Variants in ATXN7L2 observed in about 807,000 individuals in gnomAD.
ATXN7L2 encodes ataxin 7 like 2, also known as ataxin-7-like protein 2.
ATXN7L2 carries 17 observed loss-of-function variants against 59.6 expected under a neutral mutation model. The observed-to-expected ratio is 0.29, with a 90% CI of 0.20 to 0.43. ATXN7L2 has a LOEUF of 0.43. Among genes scored for constraint, ATXN7L2 ranks in the 20% least tolerant of loss-of-function variants. The pLI is 1.00. For synonymous variants in ATXN7L2, 378 were observed against 392.5 expected, an observed-to-expected ratio of 0.96 and a Z score of 0.44; for missense variants, 858 against 1,008.9, an observed-to-expected ratio of 0.85 and a Z score of 2.03.
In ATXN7L2 at chr1:109,488,347, T is replaced by C; in HGVS notation, c.797-36T>C. 1 of 1,557,056 alleles carries C rather than the reference T, an allele frequency of 6.4e-7. No homozygotes were observed. Among genetic ancestry groups the C allele is most frequent in the Non-Finnish European group, 8.8e-7 (1 of 1,141,876 alleles). On this transcript the variant is annotated intron_variant, in intron 5 of 10. Coordinates refer to ENST00000683729, the MANE Select transcript of ATXN7L2 (RefSeq NM_001350175.2). This position sits in a 1 kb window ranked among gnomAD's most constrained non-coding sequence, Gnocchi z 5.0. ...AAATCCTCCTGTAAACTCCTGGAAA[T>C]GGTCTTGAGGTTCATTGGAAGTGCT... is the stretch of plus-strand genomic sequence containing the variant.
rs777944125 is a variant in ATXN7L2, at chr1:109,489,969, C to T, written c.1173C>T (p.Gly391=). Residue 391 remains glycine (G), a synonymous_variant, in exon 8 of 11, where the codon GGC becomes GGT. Coordinates refer to ENST00000683729, the MANE Select transcript of ATXN7L2 (RefSeq NM_001350175.2). Reference sequence around the variant, plus strand: ...CCGAGAGTGAATTGGATGATGAAGGCCCCTGTGGTGGTGATGGGGACCCAG... The same window carrying T: ...CCGAGAGTGAATTGGATGATGAAGGTCCCTGTGGTGGTGATGGGGACCCAG... ...ASSESELDDE[G]PCGGDGDPGL... is the part of the protein sequence containing the mutation. The T allele has an allele frequency of 2.3e-5, 37 of 1,613,676 alleles. No homozygotes were observed. The highest frequency in any genetic ancestry group is 2.9e-5 in the Non-Finnish European group (34 of 1,179,976).
chr1:109,489,231 T>TG (rs1353800398), intron 7 of ATXN7L2, 131 bp downstream of exon 7: 2 of 1,241,978 alleles, frequency 1.6e-6, no homozygotes, highest in Non-Finnish European at 2.2e-6. Context: ...GGGGTATTCC[T>TG]GGGGCTCCTG....
rs775683130 is a variant in ATXN7L2 at position 109,491,648 on chromosome 1, G to T, written c.2181G>T (p.Val727=). The change falls in exon 10 of 11, where the codon GTG becomes GTT. Residue 727 remains valine, a synonymous_variant. Coordinates refer to ENST00000683729, the MANE Select transcript of ATXN7L2 (RefSeq NM_001350175.2). The surrounding 1 kb of genome is among the most constrained non-coding windows in gnomAD (Gnocchi z 4.1). ...GTCAGGCTGGTGCCCCTGCTGATGT[G>T]GCCTGCTCTGTGCGCCGCAAGAAGC... is the stretch of plus-strand genomic sequence containing the variant. ...KHCQAGAPAD[V]ACSVRRKKPG... is the part of the protein sequence containing the mutation. 18 of 1,612,700 alleles carry T rather than the reference G, an allele frequency of 1.1e-5. No homozygotes were observed. Among genetic ancestry groups the T allele is most frequent in the Non-Finnish European group, 1.5e-5 (18 of 1,179,812 alleles).
Position 109,488,040 on chromosome 1 carries a change from C to T in ATXN7L2, c.796+236C>T, listed in dbSNP as rs1270817214. ...GCCCAGGAGGTGAAGTTCTTTCTCA[C>T]TCTTTTCTCACCTAGATCCAGGGCG... On this transcript the variant is annotated intron_variant, in intron 5 of 10. Coordinates refer to ENST00000683729, the MANE Select transcript of ATXN7L2 (RefSeq NM_001350175.2). The surrounding 1 kb of genome is among the most constrained non-coding windows in gnomAD (Gnocchi z 5.0). 3.3e-5 allele frequency among the ~76,000 whole-genome samples: 5 copies of T among 152,214 alleles called. No homozygotes were observed. The highest frequency in any genetic ancestry group is 7.3e-5 in the Non-Finnish European group (5 of 68,044).
At position 109,483,932 on chromosome 1, in the gene ATXN7L2, C is replaced by T. The variant is rs768386528; in HGVS notation, c.-22C>T. ...GGGCCGCGCGGCGGCGGCGCCAGGG[C>T]GGGCGCGCGTCCGCGGCGGTGATGG... On this transcript the variant is annotated 5_prime_UTR_variant, in exon 1 of 11. Transcript: ENST00000683729. The T allele has an allele frequency of 8.4e-6, 10 of 1,193,558 alleles. No homozygotes were observed. The highest frequency in any genetic ancestry group is 2.4e-4 in the Middle Eastern group (1 of 4,122). The allele number at this position is 1,193,558 out of a possible 1,614,324, so 73.9% of individuals were successfully genotyped here.
Position 109,492,684 on chromosome 1 carries a change from T to C in ATXN7L2, c.*84T>C. 2.7e-6 allele frequency: 4 copies of C among 1,488,420 alleles called. No homozygotes were observed. The highest frequency in any genetic ancestry group is 4.5e-5 in the East Asian group (2 of 44,012). 92.2% of individuals were successfully genotyped at this position (1,488,420 alleles called of 1,614,324 possible). A position where few individuals can be genotyped will look rare whatever the true frequency, so the allele number is the denominator to read the frequency against. On this transcript the variant is annotated 3_prime_UTR_variant, in exon 11 of 11. Transcript: ENST00000683729. ...GGCCCCAGGCTGCTGCCGCTTTTTA[T>C]AACTTTATATTATTTTTTTTTAAGA...
chr1:109,488,454 T>G lies in ATXN7L2; in HGVS notation c.868T>G (p.Leu290Val). 1.2e-6 allele frequency: 2 copies of G among 1,609,068 alleles called. No individual in the cohort carries two copies. Among genetic ancestry groups the G allele is most frequent in the Non-Finnish European group, 1.7e-6 (2 of 1,177,108 alleles). ...GACCAAAAAGATCTGTACCCGCCTG[T>G]TGACCTGCAAGGTAACCCCCTTCCC... ...PETKKICTRL[L>V]TCKIHSVHQR... is the part of the protein sequence containing the mutation. Residue 290 changes from leucine to valine, a missense_variant, in exon 6 of 11, where the codon TTG (leucine) becomes GTG (valine). By Grantham distance (32) the Leu-to-Val change is conservative. Transcript: ENST00000683729. This position sits in a 1 kb window ranked among gnomAD's most constrained non-coding sequence, Gnocchi z 5.0.
chr1:109,488,268 C>CT lies in ATXN7L2; in HGVS notation c.797-114dup. On this transcript the variant is annotated intron_variant, in intron 5 of 10. Transcript: ENST00000683729. The surrounding 1 kb of genome is among the most constrained non-coding windows in gnomAD (Gnocchi z 5.0). Reference sequence around the variant, plus strand: ...GGAAGGTACAGCCCCAGGCTGAGGGCTGGAGTCTCTTCTGCCTTAGTACCA... The same window carrying CT: ...GGAAGGTACAGCCCCAGGCTGAGGGCTTGGAGTCTCTTCTGCCTTAGTACCA... The CT allele has an allele frequency of 1.0e-6, 1 of 966,410 alleles. No homozygotes were observed. The highest frequency in any genetic ancestry group is 1.6e-6 in the Non-Finnish European group (1 of 620,146). The allele number at this position is 966,410 out of a possible 1,614,324, so 59.9% of individuals were successfully genotyped here. A position where few individuals can be genotyped will look rare whatever the true frequency, so the allele number is the denominator to read the frequency against.
rs1657171645 is a variant in ATXN7L2, at chr1:109,492,457, C to T, written c.2251-129C>T. 3 of 1,255,050 alleles carry T rather than the reference C, an allele frequency of 2.4e-6. No individual in the cohort carries two copies. The South Asian group carries it at 4.7e-5, about 20-fold the overall frequency. 77.7% of individuals were successfully genotyped at this position (1,255,050 alleles called of 1,614,324 possible). On this transcript the variant is annotated intron_variant, in intron 10 of 10. Transcript: ENST00000683729. ...GAGCTGGCATTCATCTTCCCCCTTG[C>T]TCAGTTTTACTCACCAGGCCAGCAG...
chr1:109,484,958 G>A (rs1656471042), intron 1 of ATXN7L2, among the ~76,000 whole-genome samples: 1 of 152,208 alleles, frequency 6.6e-6, no homozygotes, highest in African/African-American at 2.4e-5. Flanking sequence ...CGGACTTAGA[G>A]TGGGAGCTGC....
At position 109,491,763 on chromosome 1, in the gene ATXN7L2, G is replaced by A. The variant is rs776844549; in HGVS notation, c.2250+46G>A. 5 of 1,506,434 alleles carry A rather than the reference G, an allele frequency of 3.3e-6. No individual in the cohort carries two copies. Among genetic ancestry groups the A allele is most frequent in the East Asian group, 4.8e-5 (2 of 41,856 alleles). 93.3% of individuals were successfully genotyped at this position (1,506,434 alleles called of 1,614,324 possible). A position where few individuals can be genotyped will look rare whatever the true frequency, so the allele number is the denominator to read the frequency against. The stretch of plus-strand genomic sequence containing the variant: ...AGATTGATGAGGGTGGGGCACACAG[G>A]GGGTACCTGATACAGAGAAGATGCT... On this transcript the variant is annotated intron_variant, in intron 10 of 10. Transcript: ENST00000683729. The surrounding 1 kb of genome is among the most constrained non-coding windows in gnomAD (Gnocchi z 4.1).
intron 1 of ATXN7L2, 81 bp downstream of exon 1, chr1:109,484,161 G>T (rs1212638147): frequency 1.7e-5 from 21 of 1,242,800 alleles, no homozygotes; most frequent in Non-Finnish European, 2.0e-5. Flanking sequence ...GCTGAGGGGA[G>T]CCGCCGACTG....
chr1:109,485,848 A>G, intron 1 of ATXN7L2: 1 of 1,220,966 alleles, frequency 8.2e-7, no homozygotes, highest in Non-Finnish European at 1.0e-6. Context: ...TTGAGAATGG[A>G]CCCACTGAAA....
chr1:109,484,650 G>A (rs1656442808), intron 1 of ATXN7L2, among the ~76,000 whole-genome samples: 1 of 152,118 alleles, frequency 6.6e-6, no homozygotes, highest in Admixed American at 6.5e-5. Context: ...TCCTTTCCCA[G>A]GCCTCTTGCC....
rs2101029113 is a variant in ATXN7L2, at chr1:109,488,017, C to T, written c.796+213C>T. ...TGATCAAGGCTGAGGGAGCCCATGC[C>T]CAGGAGGTGAAGTTCTTTCTCACTC... On this transcript the variant is annotated intron_variant, in intron 5 of 10. Transcript: ENST00000683729. This position sits in a 1 kb window ranked among gnomAD's most constrained non-coding sequence, Gnocchi z 5.0. Among the ~76,000 whole-genome samples the T allele has an allele frequency of 6.6e-6, 1 of 152,288 alleles. No individual in the cohort carries two copies. Among genetic ancestry groups the T allele is most frequent in the Middle Eastern group, 3.4e-3 (1 of 294 alleles).
In ATXN7L2 at chr1:109,486,857, A is replaced by AGG; in HGVS notation, c.299-149_299-148dup. The AGG allele has an allele frequency of 1.2e-6, 1 of 824,220 alleles. No homozygotes were observed. The highest frequency in any genetic ancestry group is 1.9e-6 in the Non-Finnish European group (1 of 537,654). The allele number at this position is 824,220 out of a possible 1,614,324, so 51.1% of individuals were successfully genotyped here. A position where few individuals can be genotyped will look rare whatever the true frequency, so the allele number is the denominator to read the frequency against. ...CTGGGTCTTGAATTTTGAGTCCTAA[A>AGG]GGCTCAGATTCAAATGGGAAGGAGG... is the stretch of plus-strand genomic sequence containing the variant. On this transcript the variant is annotated intron_variant, in intron 3 of 10. Coordinates refer to ENST00000683729, the MANE Select transcript of ATXN7L2 (RefSeq NM_001350175.2). The surrounding 1 kb of genome is among the most constrained non-coding windows in gnomAD (Gnocchi z 4.3).
chr1:109,491,556 G>A lies in ATXN7L2; in HGVS notation c.2089G>A (p.Glu697Lys). The A allele has an allele frequency of 6.2e-7, 1 of 1,613,996 alleles. No individual in the cohort carries two copies. Among genetic ancestry groups the A allele is most frequent in the South Asian group, 1.1e-5 (1 of 91,090 alleles). The change falls in exon 10 of 11, where the codon GAG (glutamate) becomes AAG (lysine). Residue 697 changes from glutamate (E) to lysine (K), a missense_variant. Glu to Lys is a moderately conservative substitution (Grantham distance 56, BLOSUM62 1). This residue lies in a region of ATXN7L2 where 734 missense variants were observed against 862.3 expected (regional missense o/e 0.85). Coordinates refer to ENST00000683729, the MANE Select transcript of ATXN7L2 (RefSeq NM_001350175.2). The surrounding 1 kb of genome is among the most constrained non-coding windows in gnomAD (Gnocchi z 4.1). ...GGCCCTGCCAACCAACTGCCTCTCT[G>A]AGGAGGAGGTGGCCAAGAAGCGGAA... is the stretch of plus-strand genomic sequence containing the variant. ...AKALPTNCLS[E>K]EEVAKKRKNL...
rs377654845 is a variant in ATXN7L2 at position 109,488,392 on chromosome 1, G to A, written c.806G>A (p.Cys269Tyr). 1 of 1,599,404 alleles carries A rather than the reference G, an allele frequency of 6.3e-7. No individual in the cohort carries two copies. The highest frequency in any genetic ancestry group is 1.3e-5 in the African/African-American group (1 of 74,900). Residue 269 changes from cysteine to tyrosine, a missense_variant, in exon 6 of 11, where the codon TGC becomes TAC. Transcript: ENST00000683729. This position sits in a 1 kb window ranked among gnomAD's most constrained non-coding sequence, Gnocchi z 5.0. ...AGTGCTTTCCCCACAGGGAAGGAGT[G>A]CGACCTCAACAGGCAGTGTGGGGTA... ...KTHRKMARKE[C>Y]DLNRQCGVIN... is the part of the protein sequence containing the mutation.
rs369719228 is a variant in ATXN7L2 at position 109,489,161 on chromosome 1, G to T, written c.1133+61G>T. On this transcript the variant is annotated intron_variant, in intron 7 of 10. Transcript: ENST00000683729. ...GTACTTGGCCCCTAAGCCATCAGGGGCCCCTGGAAACAGGCTCAGGGAGTG... is the reference window on the plus strand; with the variant it reads ...GTACTTGGCCCCTAAGCCATCAGGGTCCCCTGGAAACAGGCTCAGGGAGTG... The T allele has an allele frequency of 1.3e-5, 20 of 1,557,876 alleles. No homozygotes were observed. The African/African-American group carries it at 1.6e-4, about 13-fold the overall frequency.
Sources: allele counts gnomAD v4.1 joint callset (sites outside exome capture counted in the v4.1 genomes callset), GRCh38; gene constraint gnomAD v4.1.1; regional missense constraint gnomAD v4.1.1; non-coding constraint Gnocchi (gnomAD v3.1); transcripts MANE v1.5; gene names NCBI Gene and HGNC (gene_info 2026-07-23, HGNC 2026-07-21).